Variants in DCUN1D4 observed in about 807,000 individuals in gnomAD.
DCUN1D4 encodes DCN1-like protein 4.
Under a neutral mutation model 47.9 loss-of-function variants are expected in DCUN1D4, and 22 were observed. The ratio of observed to expected loss-of-function variants is 0.46; its 90% CI spans 0.33 to 0.66. The LOEUF (loss-of-function observed/expected upper bound fraction) is 0.66. Ranked by LOEUF, DCUN1D4 falls within the 30% of genes least tolerant of loss-of-function variation. The pLI is 0.02. For missense variants in DCUN1D4, 301 were observed against 340.8 expected, an observed-to-expected ratio of 0.88 and a Z score of 0.92; for synonymous variants, 121 against 112.2, an observed-to-expected ratio of 1.08 and a Z score of -0.50.
At chr4:51,878,595 C>T (rs964521658) in intron 5 of DCUN1D4, among the ~76,000 whole-genome samples, 1 of 152,156 alleles carries the variant, frequency 6.6e-6, no homozygotes, top group African/African-American at 2.4e-5. Flanking sequence ...GCAGATCATA[C>T]ATACATTCCT....
intron 8 of DCUN1D4, among the ~76,000 whole-genome samples, chr4:51,902,549 A>G (rs1333950805): frequency 6.6e-6 from 1 of 152,192 alleles, no homozygotes; most frequent in Non-Finnish European, 1.5e-5. Context: ...CGTCCAATAC[A>G]AATGTATTCA....
At chr4:51,849,957 C>T (rs1385879015) in intron 1 of DCUN1D4, among the ~76,000 whole-genome samples, 2 of 151,966 alleles carry the variant, frequency 1.3e-5, no homozygotes, top group African/African-American at 2.4e-5. Context: ...TATAATTTCA[C>T]GTATTATAAA....
intron 5 of DCUN1D4, among the ~76,000 whole-genome samples, chr4:51,880,989 G>A (rs952578457): frequency 2.2e-4 from 33 of 152,178 alleles, no homozygotes; most frequent in African/African-American, 7.5e-4. Flanking sequence ...TTAGCCAGGC[G>A]TGGTGGCATG....
rs769792599 is a variant in DCUN1D4 at position 51,913,501 on chromosome 4, T to C, written c.824-28T>C. ...ATTATTATTGTTATTATTATTATTA[T>C]TACTACTGTTTCTCTCTTTCTCTCC... On this transcript the variant is annotated intron_variant, in intron 10 of 10. Transcript: ENST00000334635. The C allele has an allele frequency of 1.1e-5, 17 of 1,589,322 alleles. No homozygotes were observed. The East Asian group carries it at 1.6e-4, about 15-fold the overall frequency.
chr4:51,870,618 G>A (rs1726739002), intron 3 of DCUN1D4, among the ~76,000 whole-genome samples: 1 of 151,704 alleles, frequency 6.6e-6, no homozygotes, highest in Admixed American at 6.6e-5. Context: ...TATTATTACT[G>A]TAATAAGATA....
chr4:51,856,287 G>C (rs1008844599), intron 1 of DCUN1D4, among the ~76,000 whole-genome samples: 1 of 152,140 alleles, frequency 6.6e-6, no homozygotes, highest in African/African-American at 2.4e-5. Context: ...TTATATCTGA[G>C]AGAATTGTTC....
intron 7 of DCUN1D4, among the ~76,000 whole-genome samples, chr4:51,897,930 A>G (rs1365620648): frequency 1.3e-5 from 2 of 152,230 alleles, no homozygotes; most frequent in African/African-American, 4.8e-5. Flanking sequence ...GCTCTTCTTT[A>G]TAGAAGAATT....
At chr4:51,835,735 G>A in the DCUN1D4 span, among the ~76,000 whole-genome samples, 1 of 152,116 alleles carries the variant, frequency 6.6e-6, no homozygotes, top group African/African-American at 2.4e-5. Flanking sequence ...ATGATGAGAT[G>A]AGAGAGATGG....
intron 9 of DCUN1D4, among the ~76,000 whole-genome samples, chr4:51,912,728 A>T (rs889250743): frequency 1.3e-5 from 2 of 152,152 alleles, no homozygotes; most frequent in African/African-American, 4.8e-5. Flanking sequence ...TAGAACAGTA[A>T]TTTTTTTCTG....
intron 7 of DCUN1D4, among the ~76,000 whole-genome samples, chr4:51,894,638 C>G (rs904709237): frequency 6.6e-6 from 1 of 152,104 alleles, no homozygotes; most frequent in Non-Finnish European, 1.5e-5. Flanking sequence ...CAAGAAAACC[C>G]AGAGAGTAAT....
At chr4:51,857,301 G>A (rs974331212) in intron 1 of DCUN1D4, among the ~76,000 whole-genome samples, 1 of 152,076 alleles carries the variant, frequency 6.6e-6, no homozygotes, top group Non-Finnish European at 1.5e-5. Flanking sequence ...CATTTTTACA[G>A]CCAGTGTCTA....
rs34996012 is a variant in DCUN1D4, at chr4:51,899,334, A to C, written c.571A>C (p.Thr191Pro). 15 of 1,609,586 alleles carry C rather than the reference A, an allele frequency of 9.3e-6. No individual in the cohort carries two copies. In the Admixed American group the frequency reaches 2.4e-4, roughly 25 times the overall value. The change falls in exon 8 of 11, where the codon ACA (threonine) becomes CCA (proline). Residue 191 changes from threonine to proline, a missense_variant. By Grantham distance (38) the Thr-to-Pro change is conservative (BLOSUM62 -1). Coordinates refer to ENST00000334635, the MANE Select transcript of DCUN1D4 (RefSeq NM_001040402.3). ...DYLRSFLNDS[T>P]NFKLIYRYAF... ...CTTAAGATCATTCTTAAATGATTCT[A>C]CAAACTTTAAACTTATTTACAGATA... is the stretch of plus-strand genomic sequence containing the variant.
intron 5 of DCUN1D4, among the ~76,000 whole-genome samples, chr4:51,882,792 A>G (rs1728875501): frequency 6.6e-6 from 1 of 152,142 alleles, no homozygotes; most frequent in South Asian, 2.1e-4. Flanking sequence ...AAATAAAAGA[A>G]TAAGTTGCAC....
intron 8 of DCUN1D4, among the ~76,000 whole-genome samples, chr4:51,906,835 A>AAGC (rs1236714056): frequency 2.0e-5 from 3 of 152,152 alleles, no homozygotes; most frequent in African/African-American, 7.2e-5. Flanking sequence ...CTTCTGAGGG[A>AAGC]AGCAGCCTTG....
chr4:51,892,319 A>G (rs528288134), intron 7 of DCUN1D4, among the ~76,000 whole-genome samples: 5 of 152,212 alleles, frequency 3.3e-5, no homozygotes, highest in South Asian at 2.1e-4. Flanking sequence ...TTAGTCTTCA[A>G]AATCTGGGGT....
chr4:51,843,686 C>T, intron 1 of DCUN1D4: 2 of 1,232,160 alleles, frequency 1.6e-6, no homozygotes, highest in Non-Finnish European at 2.0e-6. Context: ...GAGCGGGGCA[C>T]AAGGGTGAGG....
chr4:51,860,596 A>G (rs979335161), intron 1 of DCUN1D4: 11 of 455,436 alleles, frequency 2.4e-5, no homozygotes, highest in Admixed American at 1.4e-4. Flanking sequence ...GAGTCTTACA[A>G]TCGTGGAGGA....
In DCUN1D4 at chr4:51,866,644, CT is replaced by C. The variant is rs61035090; in HGVS notation, c.136+2939del. ...CACCACTAATAATGCAGGAATATAA[CT>C]TTTGGACCAGTTTTAGTAGTTCTGA... On this transcript the variant is annotated intron_variant, in intron 3 of 10. Transcript: ENST00000334635. Among the ~76,000 whole-genome samples, 1,383 of 152,226 alleles carry C rather than the reference CT, an allele frequency of 9.1e-3. 13 individuals carry two copies. The highest frequency in any genetic ancestry group is 0.032 in the African/African-American group (1,326 of 41,534).
At chr4:51,847,830 A>C (rs578169439) in intron 1 of DCUN1D4, among the ~76,000 whole-genome samples, 109 of 152,192 alleles carry the variant, frequency 7.2e-4, no homozygotes, top group African/African-American at 2.3e-3. Context: ...CTTTCATGGA[A>C]TCTCTGAAGC....
Sources: gnomAD v4.1 joint callset for allele counts (sites outside exome capture counted in the v4.1 genomes callset) on GRCh38, gnomAD v4.1.1 for gene constraint, MANE v1.5 for transcripts, NCBI Gene and HGNC (gene_info 2026-07-23, HGNC 2026-07-21) for gene names.